The following CASK variants were observed in gnomAD, a reference collection of about 807,000 sequenced individuals.
CASK encodes calcium/calmodulin dependent serine protein kinase.
CASK carries 4 observed loss-of-function variants against 82.9 expected under a neutral mutation model. That is an observed-to-expected ratio of 0.05 (90% CI 0.02 to 0.11). The LOEUF (loss-of-function observed/expected upper bound fraction) is 0.11. CASK is among the 10% of genes least tolerant of loss of function. The pLI is 1.00. For missense variants in CASK, 358 were observed against 720.9 expected, an observed-to-expected ratio of 0.50 and a Z score of 5.76; for synonymous variants, 259 against 253.5, an observed-to-expected ratio of 1.02 and a Z score of -0.20.
chrX:41,876,811 A>C (rs1339513803), intron 1 of CASK, among the ~76,000 whole-genome samples: 1 of 111,999 alleles, frequency 8.9e-6, no homozygotes, highest in African/African-American at 3.2e-5. Context: ...ATTGGTTAGA[A>C]GGGGATACAA....
In CASK at chrX:41,519,490, C is replaced by T. The variant is rs983799033; in HGVS notation, c.*930G>A. The T allele has an allele frequency of 1.8e-5, 2 of 111,085 alleles. No individual in the cohort carries two copies. Among genetic ancestry groups the T allele is most frequent in the African/African-American group, 3.3e-5 (1 of 30,506 alleles). 9.2% of individuals were successfully genotyped at this position (111,085 alleles called of 1,213,427 possible). A position where few individuals can be genotyped will look rare whatever the true frequency, so the allele number is the denominator to read the frequency against. ...AAATGGTGAAACCAGCAATTCCCCC[C>T]ACCCCACCTTACAACAAATTAAATT... is the stretch of plus-strand genomic sequence containing the variant. On this transcript the variant is annotated 3_prime_UTR_variant, in exon 27 of 27. Coordinates refer to ENST00000378163, the MANE Select transcript of CASK (RefSeq NM_001367721.1).
At chrX:41,595,494 A>G (rs1424546470) in intron 12 of CASK, among the ~76,000 whole-genome samples, 1 of 111,621 alleles carries the variant, frequency 9.0e-6, no homozygotes, top group Non-Finnish European at 1.9e-5. Context: ...AGTCCCAGCT[A>G]CTCAAGATGG....
At chrX:41,846,785 T>C (rs1323282905) in intron 2 of CASK, among the ~76,000 whole-genome samples, 1 of 111,949 alleles carries the variant, frequency 8.9e-6, no homozygotes, top group Non-Finnish European at 1.9e-5. Context: ...ATAACTACGT[T>C]TAGTATTCCT....
intron 12 of CASK, among the ~76,000 whole-genome samples, chrX:41,591,562 C>T (rs1334692036): frequency 9.2e-6 from 1 of 108,896 alleles, no homozygotes; most frequent in Non-Finnish European, 1.9e-5. Context: ...GCAGCCTCTG[C>T]CTCCTCGGTT....
intron 3 of CASK, among the ~76,000 whole-genome samples, chrX:41,751,059 C>G (rs991781685): frequency 3.6e-5 from 4 of 112,066 alleles, no homozygotes; most frequent in African/African-American, 1.3e-4. Flanking sequence ...ACTACAAAAA[C>G]TGTATGAAAT....
chrX:41,804,119 G>A (rs909168788), intron 2 of CASK, among the ~76,000 whole-genome samples: 6 of 111,491 alleles, frequency 5.4e-5, no homozygotes, highest in Non-Finnish European at 9.4e-5. Flanking sequence ...AGGCTGAGGT[G>A]GGTGGATCAT....
At chrX:41,812,845 C>A (rs763087675) in intron 2 of CASK, among the ~76,000 whole-genome samples, 2 of 111,241 alleles carry the variant, frequency 1.8e-5, no homozygotes, top group African/African-American at 6.5e-5. Flanking sequence ...GAAAACCCCA[C>A]TGTCTCAGCC....
chrX:41,685,820 G>A (rs2067431524), intron 5 of CASK, among the ~76,000 whole-genome samples: 1 of 111,863 alleles, frequency 8.9e-6, no homozygotes, highest in African/African-American at 3.3e-5. Context: ...TACTAGCAGA[G>A]GTGGACACTG....
At chrX:41,671,306 GT>G in intron 6 of CASK, 121 bp downstream of exon 6, 1 of 517,548 alleles carries the variant, frequency 1.9e-6, no homozygotes, top group South Asian at 2.6e-5. Context: ...CTTTTTGGGA[GT>G]TGGGGTGGGG....
chrX:41,730,705 G>GT (rs1229729319), intron 5 of CASK, among the ~76,000 whole-genome samples: 1 of 110,642 alleles, frequency 9.0e-6, no homozygotes, highest in Non-Finnish European at 1.9e-5. Flanking sequence ...TACAAAAGTA[G>GT]TTTTATTCTT....
chrX:41,561,066 A>T (rs1452815726), intron 17 of CASK, among the ~76,000 whole-genome samples: 1 of 110,981 alleles, frequency 9.0e-6, no homozygotes, highest in African/African-American at 3.3e-5. Context: ...TTGCCTTTTT[A>T]AAAAATCCAA....
intron 1 of CASK, among the ~76,000 whole-genome samples, chrX:41,858,739 CT>C (rs2071420510): frequency 9.0e-6 from 1 of 111,709 alleles, no homozygotes; most frequent in Non-Finnish European, 1.9e-5. Context: ...ATTGTCCTTT[CT>C]TTACCCAGCT....
chrX:41,530,110 G>GT (rs2147083078), intron 25 of CASK, among the ~76,000 whole-genome samples: 1 of 111,101 alleles, frequency 9.0e-6, no homozygotes, highest in South Asian at 3.8e-4. Flanking sequence ...TATTTCTAAG[G>GT]GTTAAAGGAG....
intron 7 of CASK, among the ~76,000 whole-genome samples, chrX:41,664,499 T>C (rs1165675592): frequency 1.8e-5 from 2 of 110,823 alleles, no homozygotes; most frequent in Non-Finnish European, 3.8e-5. Flanking sequence ...GAAAAAGAAT[T>C]TCCCCAACTT....
At chrX:41,765,645 T>C (rs768621126) in intron 3 of CASK, among the ~76,000 whole-genome samples, 5 of 111,760 alleles carry the variant, frequency 4.5e-5, no homozygotes, top group Non-Finnish European at 7.5e-5. Flanking sequence ...GATGAGAATA[T>C]ATGGAAGTGT....
chrX:41,777,723 C>G (rs748643808), intron 3 of CASK, among the ~76,000 whole-genome samples: 1 of 110,901 alleles, frequency 9.0e-6, no homozygotes, highest in South Asian at 3.8e-4. Context: ...TTGTTCACTT[C>G]TACAATAATT....
chrX:41,611,871 G>A (rs1170711641), intron 11 of CASK, among the ~76,000 whole-genome samples: 2 of 111,040 alleles, frequency 1.8e-5, no homozygotes, highest in African/African-American at 6.5e-5. Context: ...ACTGGTTTTC[G>A]TATTTTTTTG....
chrX:41,555,443 T>G (rs2065148230), intron 20 of CASK, among the ~76,000 whole-genome samples, 157 bp downstream of exon 20: 1 of 111,846 alleles, frequency 8.9e-6, no homozygotes, highest in Non-Finnish European at 1.9e-5. Context: ...TTATAGAGAA[T>G]TAGTCATGTG....
intron 5 of CASK, among the ~76,000 whole-genome samples, chrX:41,690,471 G>A (rs772017273): frequency 3.7e-5 from 4 of 108,855 alleles, no homozygotes; most frequent in South Asian, 8.1e-4. Context: ...CTCAGCCTCC[G>A]GAGTAGCTGG....
Sources: allele counts gnomAD v4.1 joint callset (sites outside exome capture counted in the v4.1 genomes callset), GRCh38; gene constraint gnomAD v4.1.1; transcripts MANE v1.5; gene names NCBI Gene and HGNC (gene_info 2026-07-23, HGNC 2026-07-21).